Variants in SEMA5A observed in about 807,000 individuals in gnomAD.
SEMA5A encodes the protein semaphorin-5A.
A neutral mutation model predicts 135.5 loss-of-function variants in SEMA5A; 55 were observed. The observed-to-expected ratio is 0.41, with a 90% confidence interval of 0.33 to 0.51. The LOEUF (loss-of-function observed/expected upper bound fraction) is 0.51, where lower values mean the gene tolerates loss of function less well. Ranked by LOEUF, SEMA5A falls within the 20% of genes least tolerant of loss-of-function variation. The pLI is 0.37. For missense variants in SEMA5A, 1,290 were observed against 1,419.9 expected (o/e 0.91, Z 1.47); for synonymous variants, 580 against 546.5 (o/e 1.06, Z -0.85).
chr5:9,281,289 A>T (rs1330165627), intron 5 of SEMA5A, among the ~76,000 whole-genome samples: 1 of 152,218 alleles, frequency 6.6e-6, no homozygotes, highest in Non-Finnish European at 1.5e-5. Context: ...TACCTAATTC[A>T]ATCCAGCCAA....
At chr5:9,211,446 G>A (rs1454638124) in intron 8 of SEMA5A, among the ~76,000 whole-genome samples, 2 of 152,094 alleles carry the variant, frequency 1.3e-5, no homozygotes, top group Admixed American at 6.5e-5. Flanking sequence ...ATTTCCAGCT[G>A]TAGCGAATCT....
intron 1 of SEMA5A, among the ~76,000 whole-genome samples, chr5:9,458,217 C>T (rs1758921237): frequency 1.3e-5 from 2 of 152,106 alleles, no homozygotes; most frequent in African/African-American, 4.8e-5. Context: ...CAGCATCTCT[C>T]CTTTTATTTA....
chr5:9,051,269 C>T (rs1421789059), intron 20 of SEMA5A, among the ~76,000 whole-genome samples: 3 of 152,150 alleles, frequency 2.0e-5, no homozygotes, highest in Non-Finnish European at 4.4e-5. Flanking sequence ...GCTGGTCCAC[C>T]TAACAGTCCT....
chr5:9,498,258 C>G (rs1422626709), intron 1 of SEMA5A: 1 of 152,146 alleles, frequency 6.6e-6, no homozygotes, highest in African/African-American at 2.4e-5. Flanking sequence ...TCATAACCAT[C>G]CTGGGGCCAG....
chr5:9,468,366 G>A (rs1324045681), intron 1 of SEMA5A, among the ~76,000 whole-genome samples: 1 of 152,138 alleles, frequency 6.6e-6, no homozygotes, highest in Non-Finnish European at 1.5e-5. Flanking sequence ...CTTCCCTAGG[G>A]CTCCTCCTGA....
At chr5:9,287,457 CT>C (rs1561109825) in intron 5 of SEMA5A, among the ~76,000 whole-genome samples, 2 of 152,118 alleles carry the variant, frequency 1.3e-5, no homozygotes. Flanking sequence ...GTAACTAAAA[CT>C]TTTCCCTAAA....
intron 3 of SEMA5A, among the ~76,000 whole-genome samples, chr5:9,364,652 A>G (rs559213689): frequency 6.6e-6 from 1 of 152,310 alleles, no homozygotes; most frequent in African/African-American, 2.4e-5. Flanking sequence ...CAGCTTTCAT[A>G]ATTTTTAATT....
chr5:9,364,390 G>C (rs1352422991), intron 3 of SEMA5A, among the ~76,000 whole-genome samples: 2 of 152,016 alleles, frequency 1.3e-5, no homozygotes, highest in Non-Finnish European at 2.9e-5. Flanking sequence ...TATTAGTCAG[G>C]CTTCACAGGT....
chr5:9,214,754 G>A (rs1227873021), intron 8 of SEMA5A, among the ~76,000 whole-genome samples: 2 of 152,174 alleles, frequency 1.3e-5, no homozygotes, highest in African/African-American at 4.8e-5. Context: ...GTGCCTCTGT[G>A]CTCCTCTTAG....
chr5:9,315,336 C>G (rs914242244), intron 5 of SEMA5A, among the ~76,000 whole-genome samples: 1 of 152,120 alleles, frequency 6.6e-6, no homozygotes, highest in African/African-American at 2.4e-5. Flanking sequence ...ATCCCTATAT[C>G]TTTTAGCATG....
chr5:9,482,618 T>A (rs1759918363), intron 1 of SEMA5A, among the ~76,000 whole-genome samples: 2 of 152,204 alleles, frequency 1.3e-5, no homozygotes, highest in Admixed American at 1.3e-4. Flanking sequence ...CTGTGGTGTG[T>A]GCCAATTTCC....
intron 12 of SEMA5A, among the ~76,000 whole-genome samples, chr5:9,152,549 T>A (rs1742687346): frequency 6.6e-6 from 1 of 152,146 alleles, no homozygotes; most frequent in Non-Finnish European, 1.5e-5. Context: ...ATTCCTCAAC[T>A]CTCTCTCTCA....
chr5:9,351,211 T>G (rs1338741402), intron 3 of SEMA5A, among the ~76,000 whole-genome samples: 1 of 152,174 alleles, frequency 6.6e-6, no homozygotes, highest in Non-Finnish European at 1.5e-5. Context: ...AGGATCAAGC[T>G]TGAAACTTCT....
intron 4 of SEMA5A, among the ~76,000 whole-genome samples, chr5:9,320,849 CA>C (rs1180019472): frequency 2.6e-5 from 4 of 152,182 alleles, no homozygotes; most frequent in Non-Finnish European, 4.4e-5. Flanking sequence ...AGCTTTCACC[CA>C]GTGTGACCTT....
At chr5:9,317,823 C>A (rs1752456150) in intron 5 of SEMA5A, among the ~76,000 whole-genome samples, 1 of 152,140 alleles carries the variant, frequency 6.6e-6, no homozygotes, top group South Asian at 2.1e-4. Flanking sequence ...CTCAGATCTG[C>A]TACTAAAATA....
At chr5:9,244,526 G>A (rs1461816884) in intron 5 of SEMA5A, among the ~76,000 whole-genome samples, 1 of 152,272 alleles carries the variant, frequency 6.6e-6, no homozygotes, top group South Asian at 2.1e-4. Context: ...TGGACCCTAT[G>A]TAGCCATATA....
At chr5:9,205,985 T>A (rs941394176) in intron 8 of SEMA5A, among the ~76,000 whole-genome samples, 6 of 152,238 alleles carry the variant, frequency 3.9e-5, no homozygotes, top group Admixed American at 2.0e-4. Context: ...TTTATTGATA[T>A]AAATTTGGAA....
chr5:9,045,859 T>C (rs1686592688), intron 21 of SEMA5A: 2 of 152,190 alleles, frequency 1.3e-5, no homozygotes, highest in Admixed American at 1.3e-4. Flanking sequence ...ATCTCTAAAA[T>C]AGGATTGGCT....
chr5:9,404,662 C>T (rs1428194523), intron 2 of SEMA5A, among the ~76,000 whole-genome samples: 1 of 152,186 alleles, frequency 6.6e-6, no homozygotes, highest in Non-Finnish European at 1.5e-5. Context: ...AAGACCATTC[C>T]AGTGTCCCGT....
Sources: gnomAD v4.1 joint callset for allele counts (sites outside exome capture counted in the v4.1 genomes callset) on GRCh38, gnomAD v4.1.1 for gene constraint, MANE v1.5 for transcripts, NCBI Gene and HGNC (gene_info 2026-07-23, HGNC 2026-07-21) for gene names.